Variants in TAFA1 observed in about 807,000 individuals in gnomAD.
The protein encoded by TAFA1 is chemokine-like protein TAFA-1.
TAFA1 carries 4 observed loss-of-function variants against 18.5 expected under a neutral mutation model. That is an observed-to-expected ratio of 0.22 (90% CI 0.11 to 0.49). The LOEUF is 0.49. Ranked by LOEUF, TAFA1 falls within the 20% of genes least tolerant of loss-of-function variation. TAFA1 has a pLI of 0.98. For missense variants in TAFA1, 147 were observed against 169.0 expected (o/e 0.87, Z 0.72); for synonymous variants, 56 against 55.2 (o/e 1.01, Z -0.06).
At chr3:68,164,833 A>T (rs1056329997) in intron 2 of TAFA1, among the ~76,000 whole-genome samples, 1 of 152,198 alleles carries the variant, frequency 6.6e-6, no homozygotes, top group East Asian at 1.9e-4. Context: ...TCCAATACAC[A>T]TTTAGTGGCT....
At chr3:68,314,347 A>G (rs1486228471) in intron 2 of TAFA1, among the ~76,000 whole-genome samples, 1 of 152,204 alleles carries the variant, frequency 6.6e-6, no homozygotes, top group Non-Finnish European at 1.5e-5. Flanking sequence ...ACTTATTCAT[A>G]AAGGGAATTA....
At chr3:68,511,320 C>T (rs985587568) in intron 3 of TAFA1, among the ~76,000 whole-genome samples, 16 of 152,076 alleles carry the variant, frequency 1.1e-4, no homozygotes, top group Admixed American at 9.8e-4. Flanking sequence ...CTACTATTAG[C>T]AGACGTAGTT....
chr3:68,381,702 C>T (rs1012017429), intron 2 of TAFA1, among the ~76,000 whole-genome samples: 1 of 152,154 alleles, frequency 6.6e-6, no homozygotes, highest in Non-Finnish European at 1.5e-5. Flanking sequence ...GACATACAAT[C>T]ATGTCATCTG....
chr3:68,427,358 G>A (rs1451520141), intron 3 of TAFA1, among the ~76,000 whole-genome samples: 4 of 151,808 alleles, frequency 2.6e-5, no homozygotes, highest in Admixed American at 2.6e-4. Context: ...CAGGATTCTA[G>A]GGTCCTGTGT....
intron 3 of TAFA1, among the ~76,000 whole-genome samples, chr3:68,419,164 G>A (rs1202770346): frequency 6.6e-6 from 1 of 152,118 alleles, no homozygotes; most frequent in African/African-American, 2.4e-5. Flanking sequence ...GCCTTTATAT[G>A]TCACCTCAGA....
chr3:68,403,681 G>C (rs1374990393), intron 2 of TAFA1, among the ~76,000 whole-genome samples: 2 of 152,192 alleles, frequency 1.3e-5, no homozygotes, highest in African/African-American at 4.8e-5. Context: ...TAACAGCGAA[G>C]TTTGGTAGTT....
At chr3:68,494,931 G>T (rs1013966108) in intron 3 of TAFA1, among the ~76,000 whole-genome samples, 1 of 152,164 alleles carries the variant, frequency 6.6e-6, no homozygotes, top group African/African-American at 2.4e-5. Context: ...AAAAGATCAG[G>T]CTGAAAGTCT....
intron 2 of TAFA1, among the ~76,000 whole-genome samples, chr3:68,281,936 G>T (rs939498780): frequency 5.3e-5 from 8 of 152,162 alleles, no homozygotes; most frequent in Non-Finnish European, 1.2e-4. Context: ...CTGAGACTGG[G>T]TTATTTATAA....
chr3:68,175,251 C>T (rs2066108837), intron 2 of TAFA1, among the ~76,000 whole-genome samples: 1 of 152,340 alleles, frequency 6.6e-6, no homozygotes, highest in Admixed American at 6.5e-5. Flanking sequence ...GGAGCCCCAA[C>T]ACAGAGTCCC....
At chr3:68,383,229 A>G (rs1057106896) in intron 2 of TAFA1, among the ~76,000 whole-genome samples, 31 of 151,460 alleles carry the variant, frequency 2.0e-4, no homozygotes, top group African/African-American at 7.3e-4. Flanking sequence ...TATGTTGAAT[A>G]GGAGTGGTCA....
intron 2 of TAFA1, among the ~76,000 whole-genome samples, chr3:68,389,636 A>G (rs2070181789): frequency 6.6e-6 from 1 of 152,120 alleles, no homozygotes; most frequent in South Asian, 2.1e-4. Flanking sequence ...AAGGCGGGTG[A>G]TTTCTGCATT....
chr3:68,522,326 T>C (rs1249825466), intron 3 of TAFA1, among the ~76,000 whole-genome samples: 4 of 152,160 alleles, frequency 2.6e-5, no homozygotes, highest in Admixed American at 1.3e-4. Context: ...TGGATTGAGA[T>C]TGTAAGATGT....
intron 2 of TAFA1, among the ~76,000 whole-genome samples, chr3:68,115,467 T>G (rs1220568682): frequency 1.3e-5 from 2 of 152,174 alleles, no homozygotes; most frequent in African/African-American, 4.8e-5. Flanking sequence ...AAAAGTAGAA[T>G]GCTAGTACAA....
chr3:68,112,411 C>G lies in TAFA1; in HGVS notation c.118+105667C>G, dbSNP rs531966336. On this transcript the variant is annotated intron_variant, in intron 2 of 4. Coordinates refer to ENST00000478136, the MANE Select transcript of TAFA1 (RefSeq NM_213609.4). ...AAGAAGAAAATCATTTCAATTAATACAGAAAAAGTGTTTGATAAAATTATT... is the reference window on the plus strand; with the variant it reads ...AAGAAGAAAATCATTTCAATTAATAGAGAAAAAGTGTTTGATAAAATTATT... Among the ~76,000 whole-genome samples the G allele has an allele frequency of 5.3e-5, 8 of 152,174 alleles. 1 individual carries two copies. In the South Asian group the frequency reaches 1.7e-3, roughly 32 times the overall value.
At chr3:68,033,203 A>T (rs895706664) in intron 2 of TAFA1, among the ~76,000 whole-genome samples, 5 of 152,150 alleles carry the variant, frequency 3.3e-5, no homozygotes, top group African/African-American at 9.6e-5. Context: ...TTCATTGTAT[A>T]AAAGTGAGCA....
intron 3 of TAFA1, among the ~76,000 whole-genome samples, chr3:68,432,526 T>C (rs1211431608): frequency 1.3e-5 from 2 of 152,018 alleles, no homozygotes; most frequent in African/African-American, 4.8e-5. Flanking sequence ...CTTGTGCACC[T>C]TTTCCTCATT....
At chr3:68,383,351 T>C (rs2070021231) in intron 2 of TAFA1, among the ~76,000 whole-genome samples, 1 of 152,180 alleles carries the variant, frequency 6.6e-6, no homozygotes, top group Non-Finnish European at 1.5e-5. Flanking sequence ...TATTTTGAGG[T>C]ATGTTCCTTC....
At chr3:68,154,979 A>C (rs2065850081) in intron 2 of TAFA1, among the ~76,000 whole-genome samples, 2 of 152,230 alleles carry the variant, frequency 1.3e-5, no homozygotes, top group Non-Finnish European at 2.9e-5. Context: ...AGATGCATTG[A>C]TTATATTGAT....
intron 2 of TAFA1, among the ~76,000 whole-genome samples, chr3:68,300,880 A>G (rs182334767): frequency 1.3e-5 from 2 of 151,990 alleles, no homozygotes; most frequent in Non-Finnish European, 2.9e-5. Context: ...TTCCACCATG[A>G]TTGTAAGTTT....
Sources: allele counts gnomAD v4.1 joint callset (sites outside exome capture counted in the v4.1 genomes callset), GRCh38; gene constraint gnomAD v4.1.1; transcripts MANE v1.5; gene names NCBI Gene and HGNC (gene_info 2026-07-23, HGNC 2026-07-21).